Variants in PDE10A observed in about 807,000 individuals in gnomAD.
The protein encoded by PDE10A is cAMP and cAMP-inhibited cGMP 3',5'-cyclic phosphodiesterase 10A.
PDE10A carries 39 observed loss-of-function variants against 97.7 expected under a neutral mutation model. The observed-to-expected ratio is 0.40, with a 90% confidence interval of 0.31 to 0.52. The LOEUF (loss-of-function observed/expected upper bound fraction) is 0.52. Ranked by LOEUF, PDE10A falls within the 20% of genes least tolerant of loss-of-function variation. The pLI, the probability that PDE10A is intolerant of heterozygous loss-of-function variation, is 0.56. For synonymous variants in PDE10A, 371 were observed against 376.8 expected (o/e 0.98, Z 0.18); for missense variants, 731 against 1,047.8 (o/e 0.70, Z 4.17).
intron 1 of PDE10A, among the ~76,000 whole-genome samples, chr6:165,622,567 GTAT>G (rs1336944265): frequency 6.6e-6 from 1 of 152,050 alleles, no homozygotes; most frequent in Non-Finnish European, 1.5e-5. Context: ...TAAAAATATG[GTAT>G]TATAATCTTA....
At chr6:165,583,004 G>A (rs936009716) in intron 1 of PDE10A, among the ~76,000 whole-genome samples, 1 of 151,956 alleles carries the variant, frequency 6.6e-6, no homozygotes, top group African/African-American at 2.4e-5. Flanking sequence ...ACCAAGTACC[G>A]GCCTCCACAG....
intron 1 of PDE10A, among the ~76,000 whole-genome samples, chr6:165,987,145 G>A (rs1785249172): frequency 6.6e-6 from 1 of 152,174 alleles, no homozygotes; most frequent in African/African-American, 2.4e-5. Flanking sequence ...TGGCGCGGCA[G>A]CCGCTGCGGT....
rs1181638850 is a variant in PDE10A, at chr6:165,432,958, C to CA, written c.1491+15dup. On this transcript the variant is annotated intron_variant, in intron 7 of 21. Transcript: ENST00000539869. Reference sequence around the variant, plus strand: ...TACAACTAAAAATTCTAACATGCAGCATTTAAAGGCCTTACCTCCTGGTGA... The same window carrying CA: ...TACAACTAAAAATTCTAACATGCAGCAATTTAAAGGCCTTACCTCCTGGTGA... 2 of 1,606,746 alleles carry CA rather than the reference C, an allele frequency of 1.2e-6. No individual in the cohort carries two copies. Among genetic ancestry groups the CA allele is most frequent in the East Asian group, 4.5e-5 (2 of 44,820 alleles).
chr6:165,606,833 T>C (rs1411523185), intron 1 of PDE10A, among the ~76,000 whole-genome samples: 1 of 152,068 alleles, frequency 6.6e-6, no homozygotes, highest in African/African-American at 2.4e-5. Context: ...GGGGCTTAGG[T>C]GGAAGAACAG....
At chr6:165,368,143 GCAC>G (rs1783944210) in intron 18 of PDE10A, among the ~76,000 whole-genome samples, 1 of 152,072 alleles carries the variant, frequency 6.6e-6, no homozygotes, top group Admixed American at 6.6e-5. Context: ...TTACAGGCAT[GCAC>G]CACCACACCT....
intron 1 of PDE10A, among the ~76,000 whole-genome samples, chr6:165,861,461 A>G (rs1780902354): frequency 6.6e-6 from 1 of 151,412 alleles, no homozygotes; most frequent in African/African-American, 2.4e-5. Flanking sequence ...GCTGGAGGAG[A>G]GGCAGGGTCC....
chr6:165,939,173 A>G (rs555915852), intron 1 of PDE10A, among the ~76,000 whole-genome samples: 10 of 152,316 alleles, frequency 6.6e-5, no homozygotes, highest in African/African-American at 2.4e-4. Flanking sequence ...GACAAACCAT[A>G]ACCCAAAAGC....
intron 21 of PDE10A, among the ~76,000 whole-genome samples, chr6:165,335,110 T>C (rs1781572384): frequency 6.6e-6 from 1 of 152,198 alleles, no homozygotes; most frequent in Non-Finnish European, 1.5e-5. Context: ...TCAGAGGGAA[T>C]TTATAAAGTA....
intron 1 of PDE10A, among the ~76,000 whole-genome samples, chr6:165,578,844 C>T (rs989651415): frequency 3.9e-5 from 6 of 152,110 alleles, no homozygotes; most frequent in East Asian, 1.9e-4. Flanking sequence ...AAGGGAAGAC[C>T]GACCACAAAC....
intron 18 of PDE10A, among the ~76,000 whole-genome samples, chr6:165,357,785 A>C (rs1019591243): frequency 6.6e-6 from 1 of 151,956 alleles, no homozygotes; most frequent in Admixed American, 6.6e-5. Flanking sequence ...CCATTTTAAT[A>C]GTCTTTTCAA....
chr6:165,892,000 A>G (rs1489316656), intron 1 of PDE10A, among the ~76,000 whole-genome samples: 4 of 151,510 alleles, frequency 2.6e-5, no homozygotes, highest in Non-Finnish European at 4.4e-5. Flanking sequence ...GTATTCACCC[A>G]TCGGAAGTCC....
intron 1 of PDE10A, among the ~76,000 whole-genome samples, chr6:165,843,750 C>T (rs556064995): frequency 2.1e-4 from 32 of 152,260 alleles, no homozygotes; most frequent in African/African-American, 5.5e-4. Context: ...AATGTTGGCG[C>T]GACAGGTGCA....
At chr6:165,528,410 C>A (rs1273267433) in intron 2 of PDE10A, among the ~76,000 whole-genome samples, 4 of 152,166 alleles carry the variant, frequency 2.6e-5, no homozygotes, top group Non-Finnish European at 4.4e-5. Context: ...ATGGGCTCAG[C>A]AACACTGGAC....
intron 1 of PDE10A, among the ~76,000 whole-genome samples, chr6:165,849,184 T>C (rs1392242932): frequency 6.6e-6 from 1 of 152,178 alleles, no homozygotes; most frequent in Non-Finnish European, 1.5e-5. Context: ...ATCTACTAGA[T>C]GTTTTTTACT....
intron 3 of PDE10A, among the ~76,000 whole-genome samples, chr6:165,456,434 G>A (rs764856673): frequency 6.6e-6 from 1 of 152,110 alleles, no homozygotes; most frequent in South Asian, 2.1e-4. Context: ...AATGATACAC[G>A]GCTGACTCCT....
At chr6:165,592,614 A>T (rs1020328116) in intron 1 of PDE10A, among the ~76,000 whole-genome samples, 1 of 152,194 alleles carries the variant, frequency 6.6e-6, no homozygotes, top group Non-Finnish European at 1.5e-5. Context: ...AGAAAAAAAC[A>T]CCACCATCAA....
At chr6:165,835,784 G>A (rs1314789252) in intron 1 of PDE10A, among the ~76,000 whole-genome samples, 2 of 151,768 alleles carry the variant, frequency 1.3e-5, no homozygotes, top group Admixed American at 1.3e-4. Flanking sequence ...TACAGGAGGA[G>A]GGGGAGCGTT....
rs1783075037 is a variant in PDE10A, at chr6:165,929,974, A to G, written c.-615+57555T>C. Among the ~76,000 whole-genome samples, 3 of 151,660 alleles carry G rather than the reference A, an allele frequency of 2.0e-5. No individual in the cohort carries two copies. In the South Asian group the frequency reaches 6.3e-4, roughly 32 times the overall value. On this transcript the variant is annotated intron_variant, in intron 1 of 19. Coordinates refer to the PDE10A transcript ENST00000366882. ...CCTAATGACCAGGCAACATCACTCCAGGCGTGAAGGCGGCAGGTGGGAAGA... is the reference window on the plus strand; with the variant it reads ...CCTAATGACCAGGCAACATCACTCCGGGCGTGAAGGCGGCAGGTGGGAAGA...
At chr6:165,483,626 G>A (rs1779729340) in intron 2 of PDE10A, among the ~76,000 whole-genome samples, 1 of 152,182 alleles carries the variant, frequency 6.6e-6, no homozygotes, top group Non-Finnish European at 1.5e-5. Context: ...ATTTTTTAAA[G>A]TTTTGATCTA....
Sources: gnomAD v4.1 joint callset for allele counts (sites outside exome capture counted in the v4.1 genomes callset) on GRCh38, gnomAD v4.1.1 for gene constraint, MANE v1.5 for transcripts, NCBI Gene and HGNC (gene_info 2026-07-23, HGNC 2026-07-21) for gene names.